LGR5: variants seen among roughly 807,000 people sequenced by gnomAD.
LGR5 encodes leucine-rich repeat-containing G protein-coupled receptor 5.
A neutral mutation model predicts 76.7 loss-of-function variants in LGR5; 54 were observed. The observed-to-expected ratio is 0.70, with a 90% CI of 0.57 to 0.88. LGR5 has a LOEUF of 0.88. LGR5 is among the 40% of genes least tolerant of loss of function. The pLI is 0.00. For synonymous variants in LGR5, 406 were observed against 421.9 expected (o/e 0.96, Z 0.46); for missense variants, 1,078 against 1,073.3 (o/e 1.00, Z -0.06).
At chr12:71,580,222 ATATT>A (rs1298160879) in intron 15 of LGR5, 52 bp from the exon 16 acceptor site, 22 of 1,484,220 alleles carry the variant, frequency 1.5e-5, no homozygotes, top group Non-Finnish European at 1.3e-5. Context: ...CATGAACACT[ATATT>A]TAATTATCCG....
At chr12:71,573,368 A>G (rs1324194284) in intron 13 of LGR5, among the ~76,000 whole-genome samples, 3 of 152,180 alleles carry the variant, frequency 2.0e-5, no homozygotes, top group Admixed American at 2.0e-4. Flanking sequence ...TATCTGCCTC[A>G]TGAGTTAGAA....
chr12:71,532,018 A>G (rs1333819223), intron 3 of LGR5, among the ~76,000 whole-genome samples: 1 of 152,218 alleles, frequency 6.6e-6, no homozygotes, highest in African/African-American at 2.4e-5. Flanking sequence ...CAGATATTTT[A>G]GGGAAATCAT....
intron 2 of LGR5, among the ~76,000 whole-genome samples, chr12:71,520,732 G>C (rs1240806853): frequency 3.3e-5 from 5 of 151,232 alleles, no homozygotes; most frequent in African/African-American, 4.9e-5. Context: ...TGGGGGACGG[G>C]GGGAGGGATA....
chr12:71,522,674 C>A (rs892971713), intron 2 of LGR5, among the ~76,000 whole-genome samples: 1 of 151,952 alleles, frequency 6.6e-6, no homozygotes, highest in Non-Finnish European at 1.5e-5. Context: ...AAAAACACTT[C>A]TTTAGGTACC....
At chr12:71,551,695 T>C (rs1180700900) in intron 4 of LGR5, among the ~76,000 whole-genome samples, 2 of 152,210 alleles carry the variant, frequency 1.3e-5, no homozygotes, top group Non-Finnish European at 2.9e-5. Flanking sequence ...CCACTGTTTA[T>C]GTTGGACTGG....
chr12:71,539,357 T>G (rs1348088239), intron 4 of LGR5, among the ~76,000 whole-genome samples: 1 of 152,232 alleles, frequency 6.6e-6, no homozygotes, highest in Non-Finnish European at 1.5e-5. Flanking sequence ...TTGGTAACAT[T>G]GCTGTCAGGA....
chr12:71,487,993 T>C (rs1185680851), intron 1 of LGR5, among the ~76,000 whole-genome samples: 2 of 152,176 alleles, frequency 1.3e-5, no homozygotes, highest in African/African-American at 4.8e-5. Flanking sequence ...AAGAGGAGGG[T>C]ACCAAGCTTT....
At chr12:71,480,192 C>T (rs188758425) in intron 1 of LGR5, among the ~76,000 whole-genome samples, 328 of 151,806 alleles carry the variant, frequency 2.2e-3, no homozygotes, top group African/African-American at 6.1e-3. Context: ...GACGAAACCC[C>T]GTCTCTACTA....
At chr12:71,484,166 T>A (rs1276401817) in intron 1 of LGR5, among the ~76,000 whole-genome samples, 1 of 152,150 alleles carries the variant, frequency 6.6e-6, no homozygotes, top group Non-Finnish European at 1.5e-5. Flanking sequence ...TGTGGCTAAA[T>A]AAGATTTCCT....
chr12:71,504,592 C>A (rs758828641), intron 1 of LGR5, 22 bp from the exon 2 acceptor site: 1 of 1,605,830 alleles, frequency 6.2e-7, no homozygotes, highest in South Asian at 1.1e-5. Context: ...GCTCCTCACA[C>A]GCTGTCTGTT....
chr12:71,475,060 CAAG>C (rs1873267450), intron 1 of LGR5, among the ~76,000 whole-genome samples: 3 of 152,126 alleles, frequency 2.0e-5, no homozygotes, highest in Non-Finnish European at 4.4e-5. Context: ...AAGTAGGGTT[CAAG>C]AAGATTCTCA....
At chr12:71,549,673 G>A (rs1206446394) in intron 4 of LGR5, among the ~76,000 whole-genome samples, 2 of 152,140 alleles carry the variant, frequency 1.3e-5, no homozygotes, top group African/African-American at 2.4e-5. Flanking sequence ...AGACCACTGA[G>A]GCCAGGTGGA....
intron 1 of LGR5, among the ~76,000 whole-genome samples, chr12:71,470,091 G>A (rs554838217): frequency 8.5e-5 from 13 of 152,254 alleles, no homozygotes; most frequent in Admixed American, 2.6e-4. Context: ...CCTCCTGGGG[G>A]TATCCATACC....
chr12:71,444,596 T>G (rs1210085494), intron 1 of LGR5, among the ~76,000 whole-genome samples: 1 of 152,058 alleles, frequency 6.6e-6, no homozygotes, highest in Non-Finnish European at 1.5e-5. Flanking sequence ...TTCCTCAAAG[T>G]AAAGGAGTTC....
chr12:71,515,011 C>T (rs903969057), intron 2 of LGR5, among the ~76,000 whole-genome samples: 10 of 152,168 alleles, frequency 6.6e-5, no homozygotes, highest in Non-Finnish European at 1.3e-4. Context: ...CAAAGATGAA[C>T]ACAAGAAGGT....
At chr12:71,504,505 G>C in intron 1 of LGR5, 109 bp from the exon 2 acceptor site, 1 of 836,194 alleles carries the variant, frequency 1.2e-6, no homozygotes, top group African/African-American at 1.7e-5. Flanking sequence ...TGTCAAGCAG[G>C]GGAATGAGTT....
At chr12:71,516,625 A>G (rs561810901) in intron 2 of LGR5, among the ~76,000 whole-genome samples, 5 of 152,312 alleles carry the variant, frequency 3.3e-5, no homozygotes, top group African/African-American at 1.2e-4. Flanking sequence ...AAGCTACAAA[A>G]TATAAAATAA....
intron 2 of LGR5, among the ~76,000 whole-genome samples, chr12:71,514,152 G>A (rs1875310956): frequency 6.6e-6 from 1 of 151,962 alleles, no homozygotes; most frequent in Non-Finnish European, 1.5e-5. Flanking sequence ...AAGGGTAGAG[G>A]GTAGAAAATC....
chr12:71,566,641 T>C lies in LGR5; in HGVS notation c.939T>C (p.Asn313=), dbSNP rs376379225. The C allele has an allele frequency of 2.4e-5, 38 of 1,612,672 alleles. No individual in the cohort carries two copies. In the Middle Eastern group the frequency reaches 6.6e-4, roughly 28 times the overall value. ...ATACTCCTCTTTCTAGGACTCTGAA[T>C]GGTGCCTCACAAATAACTGAATTTC... ...HLPELRTLTL[N]GASQITEFPD... Residue 313 remains asparagine, a synonymous_variant, in exon 10 of 18, where the codon AAT becomes AAC. Transcript: ENST00000266674.
Sources: allele counts gnomAD v4.1 joint callset (sites outside exome capture counted in the v4.1 genomes callset), GRCh38; gene constraint gnomAD v4.1.1; transcripts MANE v1.5; gene names NCBI Gene and HGNC (gene_info 2026-07-23, HGNC 2026-07-21).